LGSN: variants seen among roughly 807,000 people sequenced by gnomAD.
The protein encoded by LGSN is lengsin, lens protein with glutamine synthetase domain.
A neutral mutation model predicts 19.5 loss-of-function variants in LGSN; 21 were observed. That is an observed-to-expected ratio of 1.07 (90% CI 0.76 to 1.55). LGSN has a LOEUF of 1.55. LGSN is among the 40% of genes most tolerant of loss of function. The probability of loss-of-function intolerance (pLI) is 0.00; values close to 1 mark genes in which losing one functional copy is unlikely to be tolerated. For missense variants in LGSN, 673 were observed against 608.5 expected (o/e 1.11, Z -1.12); for synonymous variants, 257 against 215.6 (o/e 1.19, Z -1.68).
the LGSN span, among the ~76,000 whole-genome samples, chr6:63,566,376 A>G: frequency 6.6e-6 from 1 of 152,264 alleles, no homozygotes; most frequent in East Asian, 1.9e-4. Flanking sequence ...TGAAAATTTA[A>G]GGAATTCGGC....
the LGSN span, among the ~76,000 whole-genome samples, chr6:63,457,196 T>C: frequency 6.6e-6 from 1 of 152,220 alleles, no homozygotes; most frequent in Non-Finnish European, 1.5e-5. Flanking sequence ...CTTGTAGATA[T>C]ATTTCTACTT....
At chr6:63,537,536 C>T in the LGSN span, among the ~76,000 whole-genome samples, 53 of 152,246 alleles carry the variant, frequency 3.5e-4, no homozygotes, top group African/African-American at 1.2e-3. Context: ...ACCTTTTCAC[C>T]CCAGAGAAAA....
chr6:63,300,311 G>A (rs9343935), intron 1 of LGSN, among the ~76,000 whole-genome samples: 18,984 of 152,202 alleles, frequency 0.12, 1,626 homozygotes, highest in Admixed American at 0.25. Flanking sequence ...ACATTAGGGA[G>A]AATACCTACG....
Position 63,280,680 on chromosome 6 carries a change from C to T in LGSN, c.871G>A (p.Glu291Lys), listed in dbSNP as rs1452098604. ...NAFTLRTGVKEVARKYNYIAS... is the reference protein window; with the variant it reads ...NAFTLRTGVKKVARKYNYIAS... ...ATGTAATTATATTTCCTTGCCACTT[C>T]TTTGACACCTGTTCTGAGGGTAAAT... The change falls in exon 4 of 4, where the codon GAA becomes AAA. Residue 291 changes from glutamate (E) to lysine (K), a missense_variant. By Grantham distance (56) the Glu-to-Lys change is moderately conservative. Transcript: ENST00000370657. 1 of 1,614,006 alleles carries T rather than the reference C, an allele frequency of 6.2e-7. No homozygotes were observed. Among genetic ancestry groups the T allele is most frequent in the Non-Finnish European group, 8.5e-7 (1 of 1,180,036 alleles).
At chr6:63,529,895 G>A in the LGSN span, among the ~76,000 whole-genome samples, 365 of 152,240 alleles carry the variant, frequency 2.4e-3, 1 homozygote, top group African/African-American at 8.4e-3. Context: ...GCAGTTACCA[G>A]TAAGTTAGTA....
chr6:63,344,552 T>C, the LGSN span, among the ~76,000 whole-genome samples: 10 of 152,138 alleles, frequency 6.6e-5, no homozygotes, highest in Non-Finnish European at 1.5e-4. Context: ...CCCATGATGA[T>C]GGCTGTATAC....
At chr6:63,338,798 G>A in the LGSN span, among the ~76,000 whole-genome samples, 1 of 151,954 alleles carries the variant, frequency 6.6e-6, no homozygotes, top group Non-Finnish European at 1.5e-5. Context: ...TGTAATGTCA[G>A]CATTTATTGC....
At chr6:63,559,984 T>C in the LGSN span, among the ~76,000 whole-genome samples, 1 of 152,092 alleles carries the variant, frequency 6.6e-6, no homozygotes, top group African/African-American at 2.4e-5. Context: ...GAATATATAA[T>C]ATTGTGGAAG....
the LGSN span, chr6:63,572,730 GTCGCA>G: frequency 2.0e-5 from 8 of 398,338 alleles, no homozygotes; most frequent in Admixed American, 4.4e-5. Context: ...GTGAGTAGCC[GTCGCA>G]TCGTCGCCTC....
At chr6:63,556,243 C>T in the LGSN span, among the ~76,000 whole-genome samples, 2 of 152,040 alleles carry the variant, frequency 1.3e-5, no homozygotes, top group African/African-American at 4.8e-5. Flanking sequence ...CACTGCAGCT[C>T]TTCCTCCGAG....
At chr6:63,407,207 C>G in the LGSN span, among the ~76,000 whole-genome samples, 6 of 152,012 alleles carry the variant, frequency 3.9e-5, no homozygotes, top group African/African-American at 1.4e-4. Context: ...GATACCAAAG[C>G]CGGGCAGAGA....
rs370966056 is a variant in LGSN at position 63,285,595 on chromosome 6, A to T, written c.322T>A (p.Phe108Ile). 1 of 1,612,268 alleles carries T rather than the reference A, an allele frequency of 6.2e-7. No homozygotes were observed. Among genetic ancestry groups the T allele is most frequent in the Non-Finnish European group, 8.5e-7 (1 of 1,178,916 alleles). ...VSRSKTIPAH[F>I]FQEKVSHGVC... ...AACTGTGTAAAACTCACTTGAAAAA[A>T]GTGTGCAGGGATAGTCTTAGACCTG... The change falls in exon 3 of 4, where the codon TTT becomes ATT. Residue 108 changes from phenylalanine to isoleucine, a missense_variant. Phe to Ile is a conservative substitution (Grantham distance 21). Transcript: ENST00000370657.
In LGSN at chr6:63,280,532, G is replaced by C. The variant is rs1384289977; in HGVS notation, c.1019C>G (p.Thr340Ser). ...GAGTCCTGCCAACCATTTTTTCCCA[G>C]TGATCGTGAGCTGCTCAGTTCCAGA... ...STSGTEQLTI[T>S]GKKWLAGLLK... Residue 340 changes from threonine (T) to serine (S), a missense_variant, in exon 4 of 4, where the codon ACT becomes AGT. Transcript: ENST00000370657. The C allele has an allele frequency of 1.9e-6, 3 of 1,614,018 alleles. No homozygotes were observed. The highest frequency in any genetic ancestry group is 1.6e-4 in the Middle Eastern group (1 of 6,062).
At chr6:63,539,718 G>A in the LGSN span, among the ~76,000 whole-genome samples, 12 of 151,746 alleles carry the variant, frequency 7.9e-5, no homozygotes, top group African/African-American at 2.9e-4. Context: ...GCAGTGAGCT[G>A]AGATCGTACC....
the LGSN span, among the ~76,000 whole-genome samples, chr6:63,346,593 T>C: frequency 6.6e-6 from 1 of 152,048 alleles, no homozygotes; most frequent in Non-Finnish European, 1.5e-5. Flanking sequence ...CTCTAGTAAA[T>C]GATTAAATGA....
chr6:63,387,549 C>G, the LGSN span, among the ~76,000 whole-genome samples: 1 of 152,102 alleles, frequency 6.6e-6, no homozygotes, highest in Non-Finnish European at 1.5e-5. Flanking sequence ...ACTAACCCCC[C>G]ACAGATACTG....
the LGSN span, among the ~76,000 whole-genome samples, chr6:63,543,463 G>A: frequency 6.6e-6 from 1 of 152,148 alleles, no homozygotes; most frequent in Non-Finnish European, 1.5e-5. Context: ...TTTATGAAAA[G>A]GGATATTATC....
the LGSN span, chr6:63,572,488 G>A: frequency 2.6e-6 from 1 of 389,424 alleles, no homozygotes; most frequent in Non-Finnish European, 4.5e-6. Flanking sequence ...GCGCCTCGGC[G>A]CGTGTATTGG....
chr6:63,381,596 ATT>A, the LGSN span, among the ~76,000 whole-genome samples: 1 of 152,218 alleles, frequency 6.6e-6, no homozygotes, highest in African/African-American at 2.4e-5. Flanking sequence ...ATTTAAAATT[ATT>A]GTTTCTGAAA....
Sources: gnomAD v4.1 joint callset for allele counts (sites outside exome capture counted in the v4.1 genomes callset) on GRCh38, gnomAD v4.1.1 for gene constraint, MANE v1.5 for transcripts, NCBI Gene and HGNC (gene_info 2026-07-23, HGNC 2026-07-21) for gene names.